The following POLR1A variants were observed in gnomAD, a reference collection of about 807,000 sequenced individuals.
POLR1A encodes DNA-directed RNA polymerase I subunit RPA1.
POLR1A carries 84 observed loss-of-function variants against 205.3 expected under a neutral mutation model. That is an observed-to-expected ratio of 0.41 (90% confidence interval 0.34 to 0.49). The LOEUF is 0.49. Ranked by LOEUF, POLR1A falls within the 20% of genes least tolerant of loss-of-function variation. The pLI is 0.22. For missense variants in POLR1A, 1,645 were observed against 2,204.5 expected, an observed-to-expected ratio of 0.75 and a Z score of 5.08; for synonymous variants, 799 against 863.7, an observed-to-expected ratio of 0.93 and a Z score of 1.31.
rs1392818336 is a variant in POLR1A, at chr2:86,020,392, T to TA, written c.*7030dup. ...TGAAACCCCGTCTCTACAAAAAAAT[T>TA]AAAAAATTAGCTGGGCATGGTGTTG... is the stretch of plus-strand genomic sequence containing the variant. On this transcript the variant is annotated 3_prime_UTR_variant, in exon 34 of 34. Coordinates refer to ENST00000263857, the MANE Select transcript of POLR1A (RefSeq NM_015425.6). 1 of 151,110 alleles carries TA rather than the reference T, an allele frequency of 6.6e-6. No homozygotes were observed. Among genetic ancestry groups the TA allele is most frequent in the African/African-American group, 2.4e-5 (1 of 41,082 alleles). The allele number at this position is 151,110 out of a possible 1,614,324, so 9.4% of individuals were successfully genotyped here. A position where few individuals can be genotyped will look rare whatever the true frequency, so the allele number is the denominator to read the frequency against.
intron 13 of POLR1A, among the ~76,000 whole-genome samples, chr2:86,066,559 C>T (rs1209895976): frequency 6.6e-6 from 1 of 152,134 alleles, no homozygotes; most frequent in East Asian, 1.9e-4. Context: ...TTGAGAAAAA[C>T]CTGTGCCTTG....
chr2:86,040,328 A>C, intron 25 of POLR1A, 64 bp downstream of exon 25: 1 of 1,310,482 alleles, frequency 7.6e-7, no homozygotes, highest in South Asian at 1.7e-5. Context: ...CCCTCTCATT[A>C]AATGGCCCCT....
rs373830292 is a variant in POLR1A, at chr2:86,068,936, C to A, written c.1866+1082G>T. ...CTAGGCATCTCTGAGCAGCCCCTGG[C>A]ACTCCCTGTGCACAGAGGTCTCCAT... On this transcript the variant is annotated intron_variant, in intron 13 of 33. Coordinates refer to ENST00000263857, the MANE Select transcript of POLR1A (RefSeq NM_015425.6). Among the ~76,000 whole-genome samples, 155 of 152,374 alleles carry A rather than the reference C, an allele frequency of 1.0e-3. 1 individual carries two copies. The South Asian group carries it at 0.032, about 31-fold the overall frequency.
chr2:86,085,969 G>A (rs572735345), intron 6 of POLR1A, among the ~76,000 whole-genome samples: 134 of 152,324 alleles, frequency 8.8e-4, no homozygotes, highest in African/African-American at 2.9e-3. Context: ...CACAGGGAGC[G>A]CACTGGAGCA....
intron 4 of POLR1A, 146 bp from the exon 5 acceptor site, chr2:86,089,016 C>G: frequency 1.7e-6 from 1 of 605,066 alleles, no homozygotes; most frequent in Non-Finnish European, 2.9e-6. Context: ...CCATAGAACC[C>G]TAATACACTT....
chr2:86,104,093 T>C (rs1460091215), intron 1 of POLR1A, among the ~76,000 whole-genome samples: 1 of 152,156 alleles, frequency 6.6e-6, no homozygotes. Context: ...CTGAGGGAAA[T>C]GGAGAACATT....
chr2:86,095,598 C>T (rs1461952714), intron 3 of POLR1A, among the ~76,000 whole-genome samples: 1 of 152,032 alleles, frequency 6.6e-6, no homozygotes, highest in Non-Finnish European at 1.5e-5. Context: ...TATCTCTTTA[C>T]AATAGAGATC....
chr2:86,043,752 G>A (rs367893353), intron 22 of POLR1A, among the ~76,000 whole-genome samples: 13 of 152,160 alleles, frequency 8.5e-5, no homozygotes, highest in African/African-American at 3.1e-4. Flanking sequence ...GCCACTCACC[G>A]ACTGTTTACT....
chr2:86,033,622 T>A, intron 28 of POLR1A, 39 bp downstream of exon 28: 1 of 1,605,002 alleles, frequency 6.2e-7, no homozygotes, highest in Non-Finnish European at 8.5e-7. Flanking sequence ...CTGGGGGCTG[T>A]CCCTGTGCAA....
At chr2:86,033,047 T>C (rs118166086) in intron 28 of POLR1A, among the ~76,000 whole-genome samples, 1 of 152,216 alleles carries the variant, frequency 6.6e-6, no homozygotes, top group Non-Finnish European at 1.5e-5. Flanking sequence ...GTCCACATCA[T>C]CCCCAACCCA....
chr2:86,030,283 C>A lies in POLR1A; in HGVS notation c.4692G>T (p.Leu1564=), dbSNP rs768742970. Residue 1564 remains leucine (L), a synonymous_variant, in exon 31 of 34, where the codon CTG becomes CTT. Transcript: ENST00000263857. The part of the protein sequence containing the change: ...YATKGITRCL[L]NETTNNKNEK... ...CGTTCTTATTGTTGGTTGTTTCATT[C>A]AGGAGGCACCGAGTGATGCCCTTGG... is the stretch of plus-strand genomic sequence containing the variant. The A allele has an allele frequency of 1.4e-5, 22 of 1,614,182 alleles. No homozygotes were observed. In the South Asian group the frequency reaches 2.1e-4, roughly 15 times the overall value.
At chr2:86,079,703 T>C (rs1390256925) in intron 9 of POLR1A, among the ~76,000 whole-genome samples, 33 of 152,132 alleles carry the variant, frequency 2.2e-4, no homozygotes, top group African/African-American at 7.9e-4. Flanking sequence ...GCTGGCACCA[T>C]AGGCATGAAC....
At chr2:86,099,137 GCCAGGAGTTTGAGA>G (rs1421094588) in intron 2 of POLR1A, among the ~76,000 whole-genome samples, 1 of 152,010 alleles carries the variant, frequency 6.6e-6, no homozygotes, top group Non-Finnish European at 1.5e-5. Flanking sequence ...GTTACTTGAG[GCCAGGAGTTTGAGA>G]CCAGCCTGGC....
At chr2:86,083,499 A>C (rs937408860) in intron 6 of POLR1A, among the ~76,000 whole-genome samples, 1 of 152,048 alleles carries the variant, frequency 6.6e-6, no homozygotes, top group African/African-American at 2.4e-5. Context: ...ACACAACTGT[A>C]ATCTTCAGTG....
intron 21 of POLR1A, among the ~76,000 whole-genome samples, chr2:86,045,073 C>G (rs1216621701): frequency 6.6e-6 from 1 of 152,214 alleles, no homozygotes; most frequent in Non-Finnish European, 1.5e-5. Flanking sequence ...ACACAGAGCC[C>G]TTGGTATAAG....
chr2:86,035,597 C>T (rs1465462165), intron 27 of POLR1A, among the ~76,000 whole-genome samples: 13 of 152,240 alleles, frequency 8.5e-5, no homozygotes, highest in Admixed American at 5.9e-4. Context: ...GGCAATGTCA[C>T]GGCTCTGATG....
At chr2:86,056,807 T>G (rs1672906421) in intron 14 of POLR1A, among the ~76,000 whole-genome samples, 1 of 152,202 alleles carries the variant, frequency 6.6e-6, no homozygotes, top group Non-Finnish European at 1.5e-5. Flanking sequence ...ACAGCATGTT[T>G]TGCTGACTAT....
chr2:86,044,088 G>C, intron 22 of POLR1A, 51 bp downstream of exon 22: 1 of 1,585,388 alleles, frequency 6.3e-7, no homozygotes, highest in Non-Finnish European at 8.7e-7. Context: ...TCTAACCTCG[G>C]TGGGGGAGGC....
intron 3 of POLR1A, among the ~76,000 whole-genome samples, chr2:86,094,711 C>T (rs534784565): frequency 1.3e-5 from 2 of 152,264 alleles, no homozygotes; most frequent in South Asian, 4.1e-4. Context: ...ATATTTGTAA[C>T]TCTCTTCTCT....
Sources: gnomAD v4.1 joint callset for allele counts (sites outside exome capture counted in the v4.1 genomes callset) on GRCh38, gnomAD v4.1.1 for gene constraint, MANE v1.5 for transcripts, NCBI Gene and HGNC (gene_info 2026-07-23, HGNC 2026-07-21) for gene names.